CD163: variants seen among roughly 807,000 people sequenced by gnomAD.
CD163 encodes the protein CD163 molecule.
A neutral mutation model predicts 129.2 loss-of-function variants in CD163; 64 were observed. The observed-to-expected ratio is 0.50, with a 90% CI of 0.41 to 0.61. The LOEUF is 0.61. CD163 is among the 20% of genes least tolerant of loss of function. The pLI is 0.00. For synonymous variants in CD163, 446 were observed against 478.5 expected (o/e 0.93, Z 0.89); for missense variants, 1,061 against 1,377.9 (o/e 0.77, Z 3.64).
At chr12:7,498,052 C>T (rs1354626022) in intron 4 of CD163, among the ~76,000 whole-genome samples, 2 of 152,078 alleles carry the variant, frequency 1.3e-5, no homozygotes, top group Non-Finnish European at 2.9e-5. Flanking sequence ...TAACTATACC[C>T]TCTGGATTTC....
In CD163 at chr12:7,483,664, G is replaced by C; in HGVS notation, c.2791C>G (p.Leu931Val). ...GAACAGGAAGTGGGTCCTTCCTGAA[G>C]TCTTATCTTGTCTGAAAAATCAGAG... ...TWITCDNKIR[L>V]QEGPTSCSGR... Residue 931 changes from leucine to valine, a missense_variant, in exon 12 of 17, where the codon CTT becomes GTT. Physicochemically the swap from Leu to Val is conservative, Grantham distance 32. Transcript: ENST00000432237. 6.2e-7 allele frequency: 1 copy of C among 1,603,682 alleles called. No individual in the cohort carries two copies. The highest frequency in any genetic ancestry group is 8.5e-7 in the Non-Finnish European group (1 of 1,173,762).
At chr12:7,481,035 A>G in intron 15 of CD163, 126 bp downstream of exon 15, 1 of 1,423,650 alleles carries the variant, frequency 7.0e-7, no homozygotes, top group Non-Finnish European at 9.2e-7. Flanking sequence ...TGTCCATTAT[A>G]TGCATCTAAG....
chr12:7,495,813 A>AGTCT (rs142189657), intron 5 of CD163, among the ~76,000 whole-genome samples: 8,933 of 152,248 alleles, frequency 0.059, 301 homozygotes, highest in African/African-American at 0.083. Context: ...ATCATTAAAA[A>AGTCT]GTCTGGAAAC....
intron 6 of CD163, among the ~76,000 whole-genome samples, chr12:7,494,407 A>ACT (rs1457109792): frequency 6.6e-6 from 1 of 152,120 alleles, no homozygotes; most frequent in Non-Finnish European, 1.5e-5. Flanking sequence ...AGGTATCTGG[A>ACT]GCCATATTGT....
At chr12:7,491,273 C>T (rs995798085) in intron 6 of CD163, among the ~76,000 whole-genome samples, 14 of 152,188 alleles carry the variant, frequency 9.2e-5, no homozygotes, top group South Asian at 4.1e-4. Flanking sequence ...AGGACAAATT[C>T]TCCAACTCAG....
Position 7,496,850 on chromosome 12 carries a change from A to G in CD163, c.1062T>C (p.Tyr354=), listed in dbSNP as rs770490635. 1.2e-6 allele frequency: 2 copies of G among 1,614,118 alleles called. No individual in the cohort carries two copies. Among genetic ancestry groups the G allele is most frequent in the South Asian group, 1.1e-5 (1 of 91,076 alleles). ...QCKHHEWGKH[Y]CNHNEDAGVT... is the part of the protein sequence containing the mutation. Reference sequence around the variant, plus strand: ...CGCCAGCATCTTCATTGTGATTGCAATAATGCTTTCCCCATTCATGGTGTT... The same window carrying G: ...CGCCAGCATCTTCATTGTGATTGCAGTAATGCTTTCCCCATTCATGGTGTT... Residue 354 remains tyrosine (Y), a synonymous_variant, in exon 5 of 17, where the codon TAT becomes TAC. Transcript: ENST00000432237. The surrounding 1 kb of genome is among the most constrained non-coding windows in gnomAD (Gnocchi z 4.8).
At chr12:7,473,352 C>T (rs759302728) in intron 16 of CD163, among the ~76,000 whole-genome samples, 1 of 152,272 alleles carries the variant, frequency 6.6e-6, no homozygotes, top group Admixed American at 6.5e-5. Context: ...CAAAGGGCAG[C>T]CCATCTGACT....
Position 7,501,376 on chromosome 12 carries a change from T to C in CD163, c.220A>G (p.Thr74Ala), listed in dbSNP as rs1413724342. ...ATGCTCCAGCCATTATTACACACCG[T>C]TCCCCACTCCTCCTGGACTTTCACT... ...VEVKVQEEWG[T>A]VCNNGWSMEA... Residue 74 changes from threonine (T) to alanine (A), a missense_variant, in exon 3 of 17, where the codon ACG becomes GCG. Thr to Ala is a moderately conservative substitution (Grantham distance 58). Transcript: ENST00000432237. The C allele has an allele frequency of 6.2e-7, 1 of 1,614,068 alleles. No homozygotes were observed. The highest frequency in any genetic ancestry group is 1.1e-5 in the South Asian group (1 of 91,082).
At chr12:7,481,878 T>A (rs1433387904) in intron 14 of CD163, among the ~76,000 whole-genome samples, 1 of 152,100 alleles carries the variant, frequency 6.6e-6, no homozygotes, top group Non-Finnish European at 1.5e-5. Flanking sequence ...CCTTTAGGCT[T>A]CTCTAGACTT....
At chr12:7,502,731 T>C (rs1476407279) in intron 1 of CD163, 167 bp from the exon 2 acceptor site, 1 of 646,026 alleles carries the variant, frequency 1.5e-6, no homozygotes, top group East Asian at 2.7e-5. Context: ...GCTCATATAG[T>C]TTCAGTGAAA....
Position 7,487,840 on chromosome 12 carries a change from G to A in CD163, c.1668C>T (p.Leu556=). The A allele has an allele frequency of 6.2e-7, 1 of 1,614,132 alleles. No individual in the cohort carries two copies. Among genetic ancestry groups the A allele is most frequent in the Non-Finnish European group, 8.5e-7 (1 of 1,180,026 alleles). The change falls in exon 7 of 17, where the codon CTC becomes CTT. Residue 556 remains leucine (L), a synonymous_variant. Coordinates refer to ENST00000432237, the MANE Select transcript of CD163 (RefSeq NM_203416.4). This position sits in a 1 kb window ranked among gnomAD's most constrained non-coding sequence, Gnocchi z 5.1. The part of the protein sequence containing the change: ...QCEGHESHLS[L]CPVAPRPEGT... Reference sequence around the variant, plus strand: ...CTTCTGGGCGGGGTGCTACTGGGCAGAGTGAAAGATGGGACTCATGTCCCT... The same window carrying A: ...CTTCTGGGCGGGGTGCTACTGGGCAAAGTGAAAGATGGGACTCATGTCCCT...
At position 7,486,959 on chromosome 12, in the gene CD163, C is replaced by T. The variant is rs751800451; in HGVS notation, c.2078G>A (p.Cys693Tyr). Residue 693 changes from cysteine to tyrosine, a missense_variant, in exon 9 of 17, where the codon TGC becomes TAC. By Grantham distance (194) the Cys-to-Tyr change is radical. Transcript: ENST00000432237. Reference protein sequence around the residue: ...SGNQSQTLSSCNSSSLGPTRP... With the variant: ...SGNQSQTLSSYNSSSLGPTRP... The stretch of plus-strand genomic sequence containing the variant: ...TGTTGGGCCCAAAGACGATGAATTG[C>T]ACGAGGACAGTGTTTGGGACTGGTT... The T allele has an allele frequency of 3.1e-6, 5 of 1,614,106 alleles. No individual in the cohort carries two copies. The South Asian group carries it at 5.5e-5, about 18-fold the overall frequency.
chr12:7,488,092 A>C lies in CD163; in HGVS notation c.1421-5T>G, dbSNP rs775360954. 6.3e-7 allele frequency: 1 copy of C among 1,597,848 alleles called. No homozygotes were observed. The highest frequency in any genetic ancestry group is 8.5e-7 in the Non-Finnish European group (1 of 1,172,578). Reference sequence around the variant, plus strand: ...CCAGTCTGGGTTCCCTGTGGGCTGAAAAATAAATATTATTTCAGTGAGAGG... The same window carrying C: ...CCAGTCTGGGTTCCCTGTGGGCTGACAAATAAATATTATTTCAGTGAGAGG... On this transcript the variant is annotated splice_region_variant and splice_polypyrimidine_tract_variant and intron_variant, in intron 6 of 16. Coordinates refer to ENST00000432237, the MANE Select transcript of CD163 (RefSeq NM_203416.4).
chr12:7,497,200 C>T, intron 4 of CD163, 67 bp from the exon 5 acceptor site: 3 of 1,308,502 alleles, frequency 2.3e-6, no homozygotes, highest in Admixed American at 4.2e-5. Context: ...AATAGCTATA[C>T]CTGAGATGAG....
chr12:7,485,832 A>T lies in CD163; in HGVS notation c.2459-416T>A, dbSNP rs1322287287. 1.3e-5 allele frequency among the ~76,000 whole-genome samples: 2 copies of T among 152,204 alleles called. No homozygotes were observed. The highest frequency in any genetic ancestry group is 2.4e-5 in the African/African-American group (1 of 41,454). The stretch of plus-strand genomic sequence containing the variant: ...GACAGTTCATTTGCTGACACTTCAC[A>T]GTTTTGCAGTGCATGTCTTCTACCA... On this transcript the variant is annotated intron_variant, in intron 10 of 16. Transcript: ENST00000432237. This position sits in a 1 kb window ranked among gnomAD's most constrained non-coding sequence, Gnocchi z 4.5.
In CD163 at chr12:7,487,359, C is replaced by G. The variant is rs757129074; in HGVS notation, c.2050G>C (p.Gly684Arg). The G allele has an allele frequency of 1.3e-6, 2 of 1,576,112 alleles. No homozygotes were observed. The highest frequency in any genetic ancestry group is 1.2e-5 in the South Asian group (1 of 83,462). Reference sequence around the variant, plus strand: ...CACTGGCTGCCCGTCATCCTCTTACCTGAGCAGATTACAGAGGCCACTTGC... The same window carrying G: ...CACTGGCTGCCCGTCATCCTCTTACGTGAGCAGATTACAGAGGCCACTTGC... ...SEQVASVICS[G>R]NQSQTLSSCN... The change falls in exon 8 of 17, where the codon GGA becomes CGA. Residue 684 changes from glycine (G) to arginine (R), a missense_variant and splice_region_variant. Physicochemically the swap from Gly to Arg is moderately radical, Grantham distance 125 (BLOSUM62 -2). Coordinates refer to ENST00000432237, the MANE Select transcript of CD163 (RefSeq NM_203416.4). This position sits in a 1 kb window ranked among gnomAD's most constrained non-coding sequence, Gnocchi z 5.1.
In CD163 at chr12:7,487,387, T is replaced by C; in HGVS notation, c.2022A>G (p.Ser674=). 6.2e-7 allele frequency: 1 copy of C among 1,601,586 alleles called. No homozygotes were observed. Among genetic ancestry groups the C allele is most frequent in the Non-Finnish European group, 8.5e-7 (1 of 1,173,760 alleles). The part of the protein sequence containing the change: ...VTALGASLCP[S]EQVASVICSG... ...AGCAGATTACAGAGGCCACTTGCTC[T>C]GAAGGACATAATGAAGCACCTAGAG... is the stretch of plus-strand genomic sequence containing the variant. Residue 674 remains serine, a synonymous_variant, in exon 8 of 17, where the codon TCA becomes TCG. Transcript: ENST00000432237. The surrounding 1 kb of genome is among the most constrained non-coding windows in gnomAD (Gnocchi z 5.1).
At chr12:7,480,876 C>A (rs1949153317) in intron 15 of CD163, 5 of 1,047,056 alleles carry the variant, frequency 4.8e-6, no homozygotes, top group Non-Finnish European at 5.8e-6. Context: ...AGATTAATTT[C>A]TGTTTTAATA....
At chr12:7,474,229 C>T (rs754246690) in intron 16 of CD163, among the ~76,000 whole-genome samples, 1 of 152,208 alleles carries the variant, frequency 6.6e-6, no homozygotes, top group South Asian at 2.1e-4. Context: ...ACCAAATGGA[C>T]CTAATAGACA....
Sources: gnomAD v4.1 joint callset for allele counts (sites outside exome capture counted in the v4.1 genomes callset) on GRCh38, gnomAD v4.1.1 for gene constraint, Gnocchi (gnomAD v3.1) non-coding constraint, MANE v1.5 for transcripts, NCBI Gene and HGNC (gene_info 2026-07-23, HGNC 2026-07-21) for gene names.